Variants in CNTN5 observed in about 807,000 individuals in gnomAD.
CNTN5 encodes the protein contactin 5, also known as contactin-5.
Under a neutral mutation model 129.1 loss-of-function variants are expected in CNTN5, and 77 were observed. The observed-to-expected ratio is 0.60, with a 90% CI of 0.50 to 0.72. The LOEUF (loss-of-function observed/expected upper bound fraction) is 0.72. Among genes scored for constraint, CNTN5 ranks in the 30% least tolerant of loss-of-function variants. The probability of loss-of-function intolerance (pLI) is 0.00; values close to 1 mark genes in which losing one functional copy is unlikely to be tolerated. For missense variants in CNTN5, 1,478 were observed against 1,328.8 expected (o/e 1.11, Z -1.75); for synonymous variants, 509 against 465.6 (o/e 1.09, Z -1.20).
chr11:99,279,817 G>A (rs1425926649), intron 1 of CNTN5, among the ~76,000 whole-genome samples: 4 of 151,608 alleles, frequency 2.6e-5, no homozygotes, highest in East Asian at 2.0e-4. Flanking sequence ...CAAAAGTAAC[G>A]CAGCTTTTGC....
Position 100,070,551 on chromosome 11 carries a change from C to T in CNTN5, c.1290C>T (p.Leu430=), listed in dbSNP as rs61749257. The change falls in exon 11 of 25, where the codon CTC becomes CTT. Residue 430 remains leucine (L), a synonymous_variant. Coordinates refer to ENST00000524871, the MANE Select transcript of CNTN5 (RefSeq NM_014361.4). ...TYRWLKNGVP[L]SPQSRVEMVN... The stretch of plus-strand genomic sequence containing the variant: ...GTTGGCTGAAGAATGGAGTACCCCT[C>T]TCACCTCAGGTACTGTTGGGAGTTA... 0.032 allele frequency: 52,262 copies of T among 1,612,528 alleles called. 1,039 individuals carry two copies. Among genetic ancestry groups the T allele is most frequent in the Middle Eastern group, 0.05 (301 of 6,050 alleles).
At chr11:100,326,735 T>G (rs952855289) in intron 21 of CNTN5, among the ~76,000 whole-genome samples, 1 of 152,160 alleles carries the variant, frequency 6.6e-6, no homozygotes, top group Non-Finnish European at 1.5e-5. Context: ...ATAATTATAT[T>G]AAAAATTAAA....
intron 2 of CNTN5, among the ~76,000 whole-genome samples, chr11:99,527,162 C>A (rs542856730): frequency 2.0e-5 from 3 of 152,330 alleles, no homozygotes; most frequent in East Asian, 3.9e-4. Flanking sequence ...AATGCCTCTC[C>A]TGCTAGCTAG....
At chr11:99,793,185 G>T (rs1173779743) in intron 3 of CNTN5, among the ~76,000 whole-genome samples, 1 of 151,532 alleles carries the variant, frequency 6.6e-6, no homozygotes, top group Non-Finnish European at 1.5e-5. Flanking sequence ...TCAGCCTCCC[G>T]AGTAGCTGGG....
At chr11:99,516,466 T>C (rs767301784) in intron 2 of CNTN5, among the ~76,000 whole-genome samples, 1 of 152,132 alleles carries the variant, frequency 6.6e-6, no homozygotes, top group Non-Finnish European at 1.5e-5. Flanking sequence ...TTTCAGGTTC[T>C]TCTCTTTTTG....
chr11:100,007,291 C>T (rs1940255786), intron 9 of CNTN5, among the ~76,000 whole-genome samples: 1 of 152,012 alleles, frequency 6.6e-6, no homozygotes, highest in African/African-American at 2.4e-5. Context: ...GCATTAGCCC[C>T]TAACAAGAAA....
At chr11:99,932,806 C>G (rs576052878) in intron 7 of CNTN5, among the ~76,000 whole-genome samples, 2 of 152,122 alleles carry the variant, frequency 1.3e-5, no homozygotes, top group African/African-American at 4.8e-5. Flanking sequence ...AACAAAGTAA[C>G]AAAGGATTTA....
intron 3 of CNTN5, among the ~76,000 whole-genome samples, chr11:99,713,974 C>T (rs764871868): frequency 6.6e-6 from 1 of 151,846 alleles, no homozygotes; most frequent in South Asian, 2.1e-4. Flanking sequence ...GGGGACCATG[C>T]ATGGCATTGA....
At chr11:99,234,241 G>A (rs534747700) in intron 1 of CNTN5, among the ~76,000 whole-genome samples, 1 of 152,248 alleles carries the variant, frequency 6.6e-6, no homozygotes, top group East Asian at 1.9e-4. Context: ...GTTATCAGAG[G>A]CTGGGAAGAG....
chr11:100,072,310 A>G (rs1427201672), intron 12 of CNTN5, among the ~76,000 whole-genome samples: 1 of 152,070 alleles, frequency 6.6e-6, no homozygotes, highest in African/African-American at 2.4e-5. Flanking sequence ...ATCAACTAAT[A>G]CCTTCCTTAC....
intron 3 of CNTN5, among the ~76,000 whole-genome samples, chr11:99,806,990 A>T (rs1946292499): frequency 6.6e-6 from 1 of 152,124 alleles, no homozygotes; most frequent in Admixed American, 6.6e-5. Context: ...CAGTGTATAA[A>T]GTGCTTTTAA....
intron 3 of CNTN5, among the ~76,000 whole-genome samples, chr11:99,616,865 CT>C: frequency 6.6e-6 from 1 of 152,308 alleles, no homozygotes; most frequent in African/African-American, 2.4e-5. Flanking sequence ...AATCCCAGCA[CT>C]TTGGGAGGCC....
intron 1 of CNTN5, among the ~76,000 whole-genome samples, chr11:99,122,175 A>G (rs1247193390): frequency 6.6e-6 from 1 of 151,822 alleles, no homozygotes; most frequent in Non-Finnish European, 1.5e-5. Flanking sequence ...TCTTCTTGCT[A>G]TAGATCTAAT....
At chr11:99,508,105 G>A (rs1469635608) in intron 2 of CNTN5, among the ~76,000 whole-genome samples, 2 of 152,170 alleles carry the variant, frequency 1.3e-5, no homozygotes, top group Non-Finnish European at 2.9e-5. Context: ...ACAGAGTTAT[G>A]TTTGGTGATA....
chr11:99,239,658 G>A (rs375557479), intron 1 of CNTN5, among the ~76,000 whole-genome samples: 63 of 152,118 alleles, frequency 4.1e-4, no homozygotes, highest in Middle Eastern at 3.2e-3. Flanking sequence ...ACATAAGGCC[G>A]GGCGCGGTGG....
chr11:99,923,797 A>G (rs555089849), intron 7 of CNTN5, among the ~76,000 whole-genome samples: 1 of 150,732 alleles, frequency 6.6e-6, no homozygotes, highest in Non-Finnish European at 1.5e-5. Flanking sequence ...CTATCTATCT[A>G]TCTATCTATC....
chr11:99,519,869 T>A (rs866402990), intron 2 of CNTN5, among the ~76,000 whole-genome samples: 158 of 152,206 alleles, frequency 1.0e-3, no homozygotes, highest in African/African-American at 3.4e-3. Flanking sequence ...TCAGAGACCA[T>A]GCATTTAATG....
At chr11:99,057,303 C>T (rs932321657) in intron 1 of CNTN5, among the ~76,000 whole-genome samples, 1 of 151,984 alleles carries the variant, frequency 6.6e-6, no homozygotes, top group Non-Finnish European at 1.5e-5. Flanking sequence ...CTATAAAGTT[C>T]GTATCTAACC....
At chr11:100,160,400 T>G (rs750240644) in intron 13 of CNTN5, among the ~76,000 whole-genome samples, 22 of 152,108 alleles carry the variant, frequency 1.4e-4, no homozygotes, top group Non-Finnish European at 3.1e-4. Context: ...TGTGTCTTTA[T>G]AGCAGAATGA....
Sources: gnomAD v4.1 joint callset for allele counts (sites outside exome capture counted in the v4.1 genomes callset) on GRCh38, gnomAD v4.1.1 for gene constraint, MANE v1.5 for transcripts, NCBI Gene and HGNC (gene_info 2026-07-23, HGNC 2026-07-21) for gene names.